The following PRDM5 variants were observed in gnomAD, a reference collection of about 807,000 sequenced individuals.
The protein encoded by PRDM5 is PR/SET domain 5.
PRDM5 carries 56 observed loss-of-function variants against 81.2 expected under a neutral mutation model. That is an observed-to-expected ratio of 0.69 (90% CI 0.56 to 0.86). The LOEUF is 0.86. Ranked by LOEUF, PRDM5 falls within the 40% of genes least tolerant of loss-of-function variation. The pLI is 0.00. For synonymous variants in PRDM5, 267 were observed against 256.4 expected (o/e 1.04, Z -0.39); for missense variants, 697 against 770.1 (o/e 0.91, Z 1.12).
intron 15 of PRDM5, among the ~76,000 whole-genome samples, chr4:120,702,019 G>A (rs1232210809): frequency 1.3e-5 from 2 of 152,012 alleles, no homozygotes; most frequent in Admixed American, 6.6e-5. Flanking sequence ...AATTGTGGGG[G>A]GTATCTCACT....
chr4:120,744,613 C>T (rs1218093707), intron 14 of PRDM5, among the ~76,000 whole-genome samples: 1 of 152,088 alleles, frequency 6.6e-6, no homozygotes, highest in Admixed American at 6.5e-5. Flanking sequence ...CCACGGATCC[C>T]ACAGAAATAC....
chr4:120,747,347 G>C (rs894803016), intron 14 of PRDM5, among the ~76,000 whole-genome samples: 17 of 151,130 alleles, frequency 1.1e-4, no homozygotes, highest in Admixed American at 1.1e-3. Context: ...TGACGAGTTA[G>C]TGGGTGCAGC....
intron 12 of PRDM5, 26 bp downstream of exon 12, chr4:120,781,117 C>A: frequency 6.3e-7 from 1 of 1,599,156 alleles, no homozygotes; most frequent in Non-Finnish European, 8.6e-7. Flanking sequence ...GTAATCTGTT[C>A]AAACTAACAG....
intron 2 of PRDM5, among the ~76,000 whole-genome samples, chr4:120,881,748 C>T (rs1762864329): frequency 6.6e-6 from 1 of 152,098 alleles, no homozygotes; most frequent in African/African-American, 2.4e-5. Context: ...TATGACTCAC[C>T]TAAAGCCAAA....
At chr4:120,725,151 T>A (rs114303387) in intron 14 of PRDM5, among the ~76,000 whole-genome samples, 10,648 of 151,550 alleles carry the variant, frequency 0.07, 481 homozygotes, top group South Asian at 0.16. Flanking sequence ...AAACGAGAAA[T>A]GTTTATTCTA....
chr4:120,730,645 A>G (rs1025319353), intron 14 of PRDM5, among the ~76,000 whole-genome samples: 1 of 152,176 alleles, frequency 6.6e-6, no homozygotes, highest in Non-Finnish European at 1.5e-5. Context: ...TTAATTGCAT[A>G]TTGCCTATCT....
chr4:120,797,366 C>T (rs1169637844), intron 10 of PRDM5, among the ~76,000 whole-genome samples: 1 of 151,958 alleles, frequency 6.6e-6, no homozygotes, highest in Non-Finnish European at 1.5e-5. Flanking sequence ...CAGAGTGATG[C>T]TTTGGGATGA....
chr4:120,865,395 G>C (rs1371692381), intron 2 of PRDM5, among the ~76,000 whole-genome samples: 21 of 152,176 alleles, frequency 1.4e-4, no homozygotes, highest in Admixed American at 1.3e-3. Flanking sequence ...AGTCAGCCTT[G>C]ATATCAATCC....
chr4:120,880,104 G>C (rs1050164727), intron 2 of PRDM5, among the ~76,000 whole-genome samples: 8 of 152,006 alleles, frequency 5.3e-5, no homozygotes, highest in African/African-American at 1.9e-4. Flanking sequence ...GGGGAAAATG[G>C]GGGTAACACG....
chr4:120,814,223 T>C (rs1432957522), intron 7 of PRDM5, among the ~76,000 whole-genome samples: 1 of 152,130 alleles, frequency 6.6e-6, no homozygotes, highest in Non-Finnish European at 1.5e-5. Flanking sequence ...TGTTCCCTCT[T>C]AAGTAACTGT....
rs369321472 is a variant in PRDM5, at chr4:120,706,237, G to A, written c.1728+4072C>T. ...AAGTCACTCAACCTCAGTGAACCTC[G>A]ACTTCTTCATATATATGCAAATAAC... is the stretch of plus-strand genomic sequence containing the variant. On this transcript the variant is annotated intron_variant, in intron 15 of 15. Coordinates refer to ENST00000264808, the MANE Select transcript of PRDM5 (RefSeq NM_018699.4). 1.3e-3 allele frequency among the ~76,000 whole-genome samples: 202 copies of A among 152,156 alleles called. No homozygotes were observed. In the Middle Eastern group the frequency reaches 0.014, roughly 10 times the overall value.
At chr4:120,741,807 C>A (rs1183287133) in intron 14 of PRDM5, among the ~76,000 whole-genome samples, 1 of 152,118 alleles carries the variant, frequency 6.6e-6, no homozygotes, top group Non-Finnish European at 1.5e-5. Flanking sequence ...ATTGCTAGCA[C>A]AGCAGTCTGA....
At chr4:120,802,132 GA>G (rs1404838742) in intron 8 of PRDM5, among the ~76,000 whole-genome samples, 2 of 152,150 alleles carry the variant, frequency 1.3e-5, no homozygotes, top group Non-Finnish European at 2.9e-5. Context: ...TTTCAAGGTT[GA>G]ATTGAACTGA....
intron 1 of PRDM5, among the ~76,000 whole-genome samples, chr4:120,919,357 T>G (rs1724611517): frequency 6.6e-6 from 1 of 152,234 alleles, no homozygotes; most frequent in South Asian, 2.1e-4. Flanking sequence ...GTACAGTACC[T>G]GCCACATATG....
chr4:120,736,066 A>T (rs1741072794), intron 14 of PRDM5, among the ~76,000 whole-genome samples: 1 of 151,530 alleles, frequency 6.6e-6, no homozygotes, highest in Non-Finnish European at 1.5e-5. Flanking sequence ...TTTAGCACCC[A>T]TTTATAAGTG....
intron 3 of PRDM5, among the ~76,000 whole-genome samples, chr4:120,851,427 T>C (rs1759253637): frequency 7.0e-6 from 1 of 143,066 alleles, no homozygotes; most frequent in Non-Finnish European, 1.5e-5. Context: ...TGAAAAAATA[T>C]ATAAACACTT....
chr4:120,802,804 C>G (rs1752329958), intron 8 of PRDM5, among the ~76,000 whole-genome samples: 1 of 152,180 alleles, frequency 6.6e-6, no homozygotes, highest in South Asian at 2.1e-4. Flanking sequence ...GAGCGCTTCT[C>G]CCCCTCCAAA....
chr4:120,845,825 A>C (rs572523692), intron 3 of PRDM5, among the ~76,000 whole-genome samples: 4 of 152,240 alleles, frequency 2.6e-5, no homozygotes, highest in Non-Finnish European at 5.9e-5. Context: ...TGACATTCTA[A>C]ATGCCATTAA....
At chr4:120,729,166 T>C (rs1739886281) in intron 14 of PRDM5, among the ~76,000 whole-genome samples, 1 of 152,190 alleles carries the variant, frequency 6.6e-6, no homozygotes, top group Non-Finnish European at 1.5e-5. Flanking sequence ...AGCATCAGCA[T>C]GGTTTTGGTC....
Sources: gnomAD v4.1 joint callset for allele counts (sites outside exome capture counted in the v4.1 genomes callset) on GRCh38, gnomAD v4.1.1 for gene constraint, MANE v1.5 for transcripts, NCBI Gene and HGNC (gene_info 2026-07-23, HGNC 2026-07-21) for gene names.